The following ZFP64 variants were observed in gnomAD, a reference collection of about 807,000 sequenced individuals.
ZFP64 encodes zinc finger protein 64.
A neutral mutation model predicts 51.6 loss-of-function variants in ZFP64; 14 were observed. That is an observed-to-expected ratio of 0.27 (90% CI 0.18 to 0.42). The LOEUF is 0.42. Ranked by LOEUF, ZFP64 falls within the 10% of genes least tolerant of loss-of-function variation. The pLI is 1.00. For missense variants in ZFP64, 754 were observed against 906.8 expected (o/e 0.83, Z 2.16); for synonymous variants, 375 against 361.4 (o/e 1.04, Z -0.43).
chr20:52,119,696 C>T (rs1035411756), intron 5 of ZFP64, among the ~76,000 whole-genome samples: 23 of 150,976 alleles, frequency 1.5e-4, no homozygotes, highest in East Asian at 9.8e-4. Context: ...ACCTGGGAGG[C>T]GGAGGTTGCA....
intron 5 of ZFP64, among the ~76,000 whole-genome samples, chr20:52,113,575 C>G (rs940606605): frequency 6.8e-5 from 10 of 147,368 alleles, no homozygotes; most frequent in Admixed American, 4.9e-4. Flanking sequence ...TTACAAGGCA[C>G]CCGCCACCAT....
intron 5 of ZFP64, among the ~76,000 whole-genome samples, chr20:52,099,787 T>C (rs973745565): frequency 6.6e-6 from 1 of 152,234 alleles, no homozygotes; most frequent in East Asian, 1.9e-4. Flanking sequence ...AGTGGATCAA[T>C]GGATGAGAAT....
intron 2 of ZFP64, among the ~76,000 whole-genome samples, chr20:52,185,087 G>A (rs1303698565): frequency 2.6e-5 from 4 of 152,086 alleles, no homozygotes; most frequent in African/African-American, 4.8e-5. Context: ...GCAGTGGCAC[G>A]ATCTCAGCTC....
At chr20:52,187,196 A>T in intron 1 of ZFP64, 125 bp from the exon 2 acceptor site, 1 of 972,864 alleles carries the variant, frequency 1.0e-6, no homozygotes, top group Middle Eastern at 2.4e-4. Flanking sequence ...CCCAGTATCC[A>T]CTCCACCTTC....
chr20:52,088,731 G>A, intron 7 of ZFP64: 3 of 1,544,378 alleles, frequency 1.9e-6, no homozygotes, highest in Non-Finnish European at 2.7e-6. Flanking sequence ...GGGCATATGG[G>A]TGTGCCGCCT....
At chr20:52,084,730 A>C in exon 9 of ZFP64, 1 of 1,614,222 alleles carries the variant, frequency 6.2e-7, no homozygotes, top group Non-Finnish European at 8.5e-7. Context: ...TCCCTGACGA[A>C]GGAGGCGCCG....
chr20:52,109,153 A>AT (rs928763046), intron 5 of ZFP64, among the ~76,000 whole-genome samples: 1,735 of 147,674 alleles, frequency 0.012, 26 homozygotes, highest in African/African-American at 0.039. Flanking sequence ...TTTTTAGAAG[A>AT]TTTTTTTTTT....
At chr20:52,088,240 A>G in intron 8 of ZFP64, 1 of 1,301,942 alleles carries the variant, frequency 7.7e-7, no homozygotes, top group Non-Finnish European at 1.0e-6. Flanking sequence ...CCGGCAACAG[A>G]AAAATGACAA....
chr20:52,151,497 T>C lies in ZFP64; in HGVS notation c.*649A>G. The C allele has an allele frequency of 2.0e-6, 2 of 985,494 alleles. No homozygotes were observed. The highest frequency in any genetic ancestry group is 3.5e-5 in the African/African-American group (2 of 57,324). 61.0% of individuals were successfully genotyped at this position (985,494 alleles called of 1,614,324 possible). On this transcript the variant is annotated 3_prime_UTR_variant, in exon 6 of 6. Coordinates refer to ENST00000216923, the MANE Select transcript of ZFP64 (RefSeq NM_018197.3). ...TGGGAAGTACCATTTACTACACAAATGTAATAAGATGGACAGAAACCTTTA... is the reference window on the plus strand; with the variant it reads ...TGGGAAGTACCATTTACTACACAAACGTAATAAGATGGACAGAAACCTTTA...
Position 52,152,617 on chromosome 20 carries a change from G to A in ZFP64, c.1575C>T (p.Ala525=). Residue 525 remains alanine (A), a synonymous_variant, in exon 6 of 6, where the codon GCC becomes GCT. Transcript: ENST00000216923. ...GTTCCTCTGGGTTCTGGGCCACCAA[G>A]GCAGGCGGGACGATGTTCACTGCAG... ...AAAAVNIVPP[A]LVAQNPEELP... is the part of the protein sequence containing the mutation. 6.5e-7 allele frequency: 1 copy of A among 1,537,004 alleles called. No individual in the cohort carries two copies. Among genetic ancestry groups the A allele is most frequent in the South Asian group, 1.3e-5 (1 of 79,234 alleles).
At chr20:52,105,094 C>T (rs926107954) in intron 5 of ZFP64, 2 of 1,395,182 alleles carry the variant, frequency 1.4e-6, no homozygotes, top group Non-Finnish European at 1.8e-6. Flanking sequence ...GAGCACCGGC[C>T]CCCAGCCCCC....
At chr20:52,169,171 A>G (rs1008069486) in intron 2 of ZFP64, among the ~76,000 whole-genome samples, 1 of 152,216 alleles carries the variant, frequency 6.6e-6, no homozygotes, top group African/African-American at 2.4e-5. Context: ...TTAACAAGAG[A>G]ATTCAGTAGC....
At chr20:52,142,281 T>C (rs1980292649) in intron 5 of ZFP64, among the ~76,000 whole-genome samples, 1 of 151,536 alleles carries the variant, frequency 6.6e-6, no homozygotes, top group Non-Finnish European at 1.5e-5. Flanking sequence ...AGCAGGAGAA[T>C]TGCTTGAACT....
intron 5 of ZFP64, among the ~76,000 whole-genome samples, chr20:52,130,539 T>C (rs1251252946): frequency 1.3e-5 from 2 of 152,150 alleles, no homozygotes; most frequent in African/African-American, 4.8e-5. Context: ...TTATCTGTTT[T>C]CTCTTATGAG....
chr20:52,175,855 C>CA, intron 2 of ZFP64: 1 of 234,256 alleles, frequency 4.3e-6, no homozygotes, highest in South Asian at 1.6e-4. Context: ...CCCCCGCACC[C>CA]CCGCTGCCGC....
At chr20:52,148,222 AAT>A (rs1980618732), downstream of ZFP64, among the ~76,000 whole-genome samples, 2 of 152,316 alleles carry the variant, frequency 1.3e-5, no homozygotes, top group African/African-American at 4.8e-5. Flanking sequence ...AGTATAATCA[AAT>A]ATGTCATGTT....
At chr20:52,098,651 A>C (rs991928246) in intron 5 of ZFP64, 1 of 1,602,486 alleles carries the variant, frequency 6.2e-7, no homozygotes, top group African/African-American at 1.3e-5. Context: ...GTCTTAGAAT[A>C]CAGTAGGTTT....
chr20:52,087,747 A>G (rs2078879510), intron 8 of ZFP64, among the ~76,000 whole-genome samples: 1 of 152,194 alleles, frequency 6.6e-6, no homozygotes, highest in Non-Finnish European at 1.5e-5. Context: ...CCAAGCCCAG[A>G]GCCCTCAGGG....
intron 1 of ZFP64, among the ~76,000 whole-genome samples, chr20:52,187,379 TG>T (rs1217840831): frequency 6.6e-6 from 1 of 152,114 alleles, no homozygotes; most frequent in Non-Finnish European, 1.5e-5. Flanking sequence ...CCTGGCACTT[TG>T]GGAGGCTGAG....
Sources: gnomAD v4.1 joint callset for allele counts (sites outside exome capture counted in the v4.1 genomes callset) on GRCh38, gnomAD v4.1.1 for gene constraint, MANE v1.5 for transcripts, NCBI Gene and HGNC (gene_info 2026-07-23, HGNC 2026-07-21) for gene names.